The following ITGAV variants were observed in gnomAD, a reference collection of about 807,000 sequenced individuals.
ITGAV encodes the protein integrin subunit alpha V.
In ITGAV, 76 loss-of-function variants were observed where a neutral mutation model predicts 143.8. The ratio of observed to expected loss-of-function variants is 0.53; its 90% confidence interval spans 0.44 to 0.64. The LOEUF (loss-of-function observed/expected upper bound fraction) is 0.64. Ranked by LOEUF, ITGAV falls within the 30% of genes least tolerant of loss-of-function variation. The probability of loss-of-function intolerance (pLI) is 0.00; values close to 1 mark genes in which losing one functional copy is unlikely to be tolerated. For missense variants in ITGAV, 1,193 were observed against 1,274.7 expected (o/e 0.94, Z 0.98); for synonymous variants, 453 against 446.7 (o/e 1.01, Z -0.18).
intron 12 of ITGAV, 62 bp downstream of exon 12, chr2:186,641,650 G>T (rs965859254): frequency 5.0e-6 from 7 of 1,394,228 alleles, no homozygotes; most frequent in Admixed American, 3.4e-5. Flanking sequence ...GAAAAGTTCT[G>T]TAAGTCCATC....
chr2:186,675,030 T>G (rs1034710397), intron 26 of ITGAV, among the ~76,000 whole-genome samples: 1 of 152,206 alleles, frequency 6.6e-6, no homozygotes, highest in Non-Finnish European at 1.5e-5. Flanking sequence ...AACATTGTCA[T>G]GAGGTGTATA....
At chr2:186,600,462 T>A (rs1686869123) in intron 1 of ITGAV, 4 of 1,515,264 alleles carry the variant, frequency 2.6e-6, no homozygotes, top group Non-Finnish European at 3.6e-6. Flanking sequence ...ATGATTTCCT[T>A]AGAGAGACTT....
rs1231952560 is a variant in ITGAV, at chr2:186,676,950, TAGAA to T, written c.3051+20_3051+23del. 1.2e-5 allele frequency: 20 copies of T among 1,609,928 alleles called. No individual in the cohort carries two copies. The highest frequency in any genetic ancestry group is 1.6e-4 in the Middle Eastern group (1 of 6,072). On this transcript the variant is annotated intron_variant, in intron 29 of 29. Transcript: ENST00000261023. ...TAATGTACAGGGTAAGTAACGGACTTAGAAAGAAGGAGAGAGGGAAAGCAGAAGA... is the reference window on the plus strand; with the variant it reads ...TAATGTACAGGGTAAGTAACGGACTTAGAAGGAGAGAGGGAAAGCAGAAGA...
At chr2:186,605,348 G>C (rs1035517166) in intron 2 of ITGAV, among the ~76,000 whole-genome samples, 1 of 152,116 alleles carries the variant, frequency 6.6e-6, no homozygotes, top group Non-Finnish European at 1.5e-5. Context: ...TTCCTGCCTG[G>C]AACATTCTTT....
At chr2:186,644,029 G>A (rs1374090437) in intron 12 of ITGAV, among the ~76,000 whole-genome samples, 4 of 151,550 alleles carry the variant, frequency 2.6e-5, no homozygotes, top group African/African-American at 7.3e-5. Flanking sequence ...CTGCAGACTC[G>A]ACTTCCCAGG....
At chr2:186,662,415 G>T (rs1688774343) in intron 18 of ITGAV, among the ~76,000 whole-genome samples, 1 of 152,066 alleles carries the variant, frequency 6.6e-6, no homozygotes, top group South Asian at 2.1e-4. Context: ...ATAGCCACTT[G>T]CAAGCCTCAT....
In ITGAV at chr2:186,646,692, C is replaced by T. The variant is rs145167954; in HGVS notation, c.1166C>T (p.Ala389Val). Residue 389 changes from alanine (A) to valine (V), a missense_variant, in exon 13 of 30, where the codon GCA (alanine) becomes GTA (valine). Coordinates refer to ENST00000261023, the MANE Select transcript of ITGAV (RefSeq NM_002210.5). ...DLDQDGFNDI[A>V]IAAPYGGEDK... ...CCTCTTTTTTTCCCCACAGATATTG[C>T]AATTGCTGCTCCATATGGGGGTGAA... The T allele has an allele frequency of 2.0e-4, 305 of 1,558,780 alleles. No individual in the cohort carries two copies. Among genetic ancestry groups the T allele is most frequent in the Non-Finnish European group, 2.6e-4 (294 of 1,143,130 alleles).
intron 12 of ITGAV, 130 bp from the exon 13 acceptor site, chr2:186,646,556 G>A (rs528169586): frequency 1.7e-6 from 1 of 593,386 alleles, no homozygotes; most frequent in South Asian, 2.5e-5. Flanking sequence ...ATAATTACAA[G>A]TACTGAAACT....
At chr2:186,591,317 C>G (rs1210590696) in intron 1 of ITGAV, among the ~76,000 whole-genome samples, 3 of 152,178 alleles carry the variant, frequency 2.0e-5, no homozygotes, top group Non-Finnish European at 4.4e-5. Flanking sequence ...GGATTTATAA[C>G]AGTTATTGCC....
chr2:186,617,770 CTT>C, intron 2 of ITGAV, among the ~76,000 whole-genome samples: 1 of 152,184 alleles, frequency 6.6e-6, no homozygotes, highest in East Asian at 1.9e-4. Flanking sequence ...GTGAGATACT[CTT>C]TTTTTCTTTT....
intron 18 of ITGAV, among the ~76,000 whole-genome samples, chr2:186,662,961 G>C (rs575374533): frequency 3.9e-4 from 60 of 151,906 alleles, no homozygotes; most frequent in Non-Finnish European, 8.5e-4. Context: ...GTTACCAGTA[G>C]GCAAAGCAAA....
intron 2 of ITGAV, among the ~76,000 whole-genome samples, chr2:186,614,726 G>A (rs1336624536): frequency 6.6e-6 from 1 of 151,002 alleles, no homozygotes; most frequent in African/African-American, 2.4e-5. Context: ...TTTATTCTTG[G>A]TCTATTACTC....
intron 1 of ITGAV, among the ~76,000 whole-genome samples, chr2:186,595,187 C>A (rs1686714502): frequency 6.6e-6 from 1 of 152,144 alleles, no homozygotes; most frequent in African/African-American, 2.4e-5. Context: ...TCAGAAGTTC[C>A]TTTTGGTGAA....
chr2:186,674,228 G>A (rs935298611), intron 26 of ITGAV, among the ~76,000 whole-genome samples: 3 of 152,082 alleles, frequency 2.0e-5, no homozygotes, highest in Admixed American at 6.5e-5. Flanking sequence ...TTCCCACTTT[G>A]GTTTCCTAAA....
chr2:186,639,162 A>G (rs1341017123), intron 10 of ITGAV, among the ~76,000 whole-genome samples: 1 of 152,212 alleles, frequency 6.6e-6, no homozygotes, highest in East Asian at 1.9e-4. Flanking sequence ...AGTATTAGAC[A>G]TTTCTCTGCG....
chr2:186,640,458 T>C (rs569420689), intron 10 of ITGAV, among the ~76,000 whole-genome samples: 1 of 152,344 alleles, frequency 6.6e-6, no homozygotes, highest in Non-Finnish European at 1.5e-5. Context: ...TTATCTGTTA[T>C]TAATAATTAT....
intron 26 of ITGAV, among the ~76,000 whole-genome samples, chr2:186,673,824 G>C (rs950530932): frequency 6.6e-6 from 1 of 151,618 alleles, no homozygotes; most frequent in Non-Finnish European, 1.5e-5. Flanking sequence ...CCCACGACCA[G>C]GACTGGCTAA....
intron 12 of ITGAV, 63 bp from the exon 13 acceptor site, chr2:186,646,623 C>G: frequency 7.9e-7 from 1 of 1,260,620 alleles, no homozygotes; most frequent in Non-Finnish European, 1.1e-6. Flanking sequence ...CTCATTCTTC[C>G]CTTTCTTTTC....
intron 25 of ITGAV, 143 bp downstream of exon 25, chr2:186,669,063 A>T (rs1022165786): frequency 3.1e-6 from 2 of 640,726 alleles, no homozygotes; most frequent in African/African-American, 3.7e-5. Flanking sequence ...TAAGCAGTAC[A>T]CTTAGGATAA....
Sources: gnomAD v4.1 joint callset for allele counts (sites outside exome capture counted in the v4.1 genomes callset) on GRCh38, gnomAD v4.1.1 for gene constraint, MANE v1.5 for transcripts, NCBI Gene and HGNC (gene_info 2026-07-23, HGNC 2026-07-21) for gene names.